The following ARPC5L variants were observed in gnomAD, a reference collection of about 807,000 sequenced individuals.
ARPC5L encodes actin-related protein 2/3 complex subunit 5-like protein.
Under a neutral mutation model 16.9 loss-of-function variants are expected in ARPC5L, and 4 were observed. That is an observed-to-expected ratio of 0.24 (90% CI 0.12 to 0.54). The LOEUF (loss-of-function observed/expected upper bound fraction) is 0.54, where lower values mean the gene tolerates loss of function less well. Ranked by LOEUF, ARPC5L falls within the 20% of genes least tolerant of loss-of-function variation. The pLI is 0.95. For synonymous variants in ARPC5L, 78 were observed against 82.6 expected, an observed-to-expected ratio of 0.94 and a Z score of 0.30; for missense variants, 151 against 201.9, an observed-to-expected ratio of 0.75 and a Z score of 1.53.
chr9:124,873,621 T>G, intron 3 of ARPC5L, 71 bp from the exon 4 acceptor site: 1 of 1,562,384 alleles, frequency 6.4e-7, no homozygotes, highest in South Asian at 1.1e-5. Flanking sequence ...CTGAGCTGTT[T>G]CTGAAGTGAG....
At chr9:124,866,472 AG>A (rs1175349841) in intron 2 of ARPC5L, among the ~76,000 whole-genome samples, 3 of 152,146 alleles carry the variant, frequency 2.0e-5, no homozygotes, top group African/African-American at 7.2e-5. Flanking sequence ...CTGTAATCCC[AG>A]CACTTTGGGA....
intron 3 of ARPC5L, among the ~76,000 whole-genome samples, chr9:124,869,801 A>T (rs1829329887): frequency 6.6e-6 from 1 of 152,110 alleles, no homozygotes; most frequent in Non-Finnish European, 1.5e-5. Flanking sequence ...CCTCCCTTGC[A>T]GGAAATCGGG....
chr9:124,869,687 G>T (rs1829327547), intron 3 of ARPC5L, among the ~76,000 whole-genome samples: 1 of 152,208 alleles, frequency 6.6e-6, no homozygotes, highest in Non-Finnish European at 1.5e-5. Flanking sequence ...CCCTGGACCC[G>T]GTGGACGGGC....
rs1302335701 is a variant in ARPC5L at position 124,869,203 on chromosome 9, C to G, written c.-88C>G. ...CTGGGAGCAGCCGGGCAGCCGCTTC[C>G]CGCCCCCGAGCAGGAGCCGGTGCGA... is the stretch of plus-strand genomic sequence containing the variant. On this transcript the variant is annotated 5_prime_UTR_variant, in exon 3 of 6. Coordinates refer to ENST00000353214, the MANE Select transcript of ARPC5L (RefSeq NM_030978.3). The G allele has an allele frequency of 1.5e-5, 20 of 1,330,012 alleles. No individual in the cohort carries two copies. The highest frequency in any genetic ancestry group is 9.7e-7 in the Non-Finnish European group (1 of 1,032,230). The allele number at this position is 1,330,012 out of a possible 1,614,324, so 82.4% of individuals were successfully genotyped here.
chr9:124,868,751 A>T lies in ARPC5L; in HGVS notation c.-540A>T, dbSNP rs1359972102. The T allele has an allele frequency of 2.6e-5, 4 of 152,366 alleles. No homozygotes were observed. The highest frequency in any genetic ancestry group is 5.9e-5 in the Non-Finnish European group (4 of 68,146). The allele number at this position is 152,366 out of a possible 1,614,324, so 9.4% of individuals were successfully genotyped here. A position where few individuals can be genotyped will look rare whatever the true frequency, so the allele number is the denominator to read the frequency against. ...CCCGCGCCACTCCCCGGGCACAGGA[A>T]CTCCTACTCATCCCTCAGTCATCAG... On this transcript the variant is annotated 5_prime_UTR_variant, in exon 3 of 6. Transcript: ENST00000353214.
In ARPC5L at chr9:124,869,431, C is replaced by T. The variant is rs1261887908; in HGVS notation, c.141C>T (p.Leu47=). 6 of 1,483,174 alleles carry T rather than the reference C, an allele frequency of 4.0e-6. No individual in the cohort carries two copies. In the Admixed American group the frequency reaches 9.4e-5, roughly 23 times the overall value. The allele number at this position is 1,483,174 out of a possible 1,614,324, so 91.9% of individuals were successfully genotyped here. Residue 47 remains leucine, a synonymous_variant, in exon 3 of 6, where the codon CTC becomes CTT. Coordinates refer to ENST00000353214, the MANE Select transcript of ARPC5L (RefSeq NM_030978.3). The stretch of plus-strand genomic sequence containing the variant: ...CGGACCCGAGCGAGGTGGACGGGCT[C>T]CTGCGGCAATATCCTTCCCTGACGC... ...PGPDPSEVDG[L]LRQGDMLRAF...
At chr9:124,876,058 C>T (rs1392351856) in intron 5 of ARPC5L, among the ~76,000 whole-genome samples, 1 of 152,150 alleles carries the variant, frequency 6.6e-6, no homozygotes, top group African/African-American at 2.4e-5. Flanking sequence ...CTGCCAGTCA[C>T]CTCAGCGGGC....
At chr9:124,870,032 G>T (rs1829333648) in intron 3 of ARPC5L, among the ~76,000 whole-genome samples, 2 of 152,214 alleles carry the variant, frequency 1.3e-5, no homozygotes, top group South Asian at 2.1e-4. Flanking sequence ...CCCCCAGTCA[G>T]TCTAACCCTC....
At chr9:124,869,864 AC>A (rs1829330895) in intron 3 of ARPC5L, among the ~76,000 whole-genome samples, 1 of 152,134 alleles carries the variant, frequency 6.6e-6, no homozygotes, top group Non-Finnish European at 1.5e-5. Context: ...CATCTGAGTA[AC>A]CGAGTGATCG....
In ARPC5L at chr9:124,873,833, G is replaced by A. The variant is rs138083088; in HGVS notation, c.222+69G>A. The stretch of plus-strand genomic sequence containing the variant: ...AGGGCTGTGGGTGTCTGCCCAGTGC[G>A]AGTGTGAGCTTTCATCCACATCAGA... On this transcript the variant is annotated intron_variant, in intron 4 of 5. Coordinates refer to ENST00000353214, the MANE Select transcript of ARPC5L (RefSeq NM_030978.3). The A allele has an allele frequency of 5.7e-6, 9 of 1,572,832 alleles. No individual in the cohort carries two copies. The East Asian group carries it at 1.3e-4, about 23-fold the overall frequency.
intron 2 of ARPC5L, among the ~76,000 whole-genome samples, chr9:124,864,742 G>A (rs1829247293): frequency 6.6e-6 from 1 of 152,056 alleles, no homozygotes; most frequent in Non-Finnish European, 1.5e-5. Context: ...GACCTCAAGA[G>A]ATCCGCCTGC....
In ARPC5L at chr9:124,869,448, C is replaced by G. The variant is rs1386833524; in HGVS notation, c.149+9C>G. The G allele has an allele frequency of 6.9e-7, 1 of 1,448,774 alleles. No individual in the cohort carries two copies. Among genetic ancestry groups the G allele is most frequent in the Non-Finnish European group, 9.1e-7 (1 of 1,101,922 alleles). 89.7% of individuals were successfully genotyped at this position (1,448,774 alleles called of 1,614,324 possible). ...GACGGGCTCCTGCGGCAATATCCTT[C>G]CCTGACGCGGCGTCCGGGCCTGCGC... On this transcript the variant is annotated intron_variant, in intron 3 of 5. Coordinates refer to ENST00000353214, the MANE Select transcript of ARPC5L (RefSeq NM_030978.3).
intron 2 of ARPC5L, among the ~76,000 whole-genome samples, chr9:124,867,799 TTTTC>T (rs2131331494): frequency 7.7e-6 from 1 of 129,232 alleles, no homozygotes; most frequent in African/African-American, 2.9e-5. Context: ...GAGACTTTTC[TTTTC>T]TTTTCTTTTT....
intron 5 of ARPC5L, among the ~76,000 whole-genome samples, chr9:124,875,700 C>T (rs1829423770): frequency 6.6e-6 from 1 of 152,204 alleles, no homozygotes; most frequent in Admixed American, 6.5e-5. Context: ...CGTGTGAGAG[C>T]AAGGCCTTTG....
At chr9:124,873,943 T>TCAG (rs1829397848) in intron 4 of ARPC5L, among the ~76,000 whole-genome samples, 179 bp downstream of exon 4, 1 of 152,166 alleles carries the variant, frequency 6.6e-6, no homozygotes, top group East Asian at 1.9e-4. Flanking sequence ...ATCAACGCTG[T>TCAG]CAGCGTTTAT....
intron 3 of ARPC5L, 149 bp downstream of exon 3, chr9:124,869,588 T>C (rs977445516): frequency 7.6e-7 from 1 of 1,318,552 alleles, no homozygotes; most frequent in African/African-American, 1.6e-5. Flanking sequence ...CGACCCGGCT[T>C]CCCTGGGCCG....
intron 2 of ARPC5L, among the ~76,000 whole-genome samples, chr9:124,865,152 G>T (rs1438680035): frequency 6.6e-6 from 1 of 151,904 alleles, no homozygotes; most frequent in Non-Finnish European, 1.5e-5. Flanking sequence ...AGTCTTAAAT[G>T]AAAGTCTAGG....
chr9:124,865,814 A>C (rs1471409493), intron 2 of ARPC5L, among the ~76,000 whole-genome samples: 2 of 151,282 alleles, frequency 1.3e-5, no homozygotes, highest in Admixed American at 1.3e-4. Context: ...AAACAAAAAA[A>C]ACAAAATTGG....
chr9:124,862,309 C>G lies in ARPC5L; in HGVS notation c.-1073C>G, dbSNP rs539294948. 3.7e-5 allele frequency: 7 copies of G among 191,600 alleles called. No individual in the cohort carries two copies. The highest frequency in any genetic ancestry group is 6.4e-5 in the Non-Finnish European group (6 of 93,700). The allele number at this position is 191,600 out of a possible 1,614,324, so 11.9% of individuals were successfully genotyped here. A position where few individuals can be genotyped will look rare whatever the true frequency, so the allele number is the denominator to read the frequency against. The stretch of plus-strand genomic sequence containing the variant: ...CTTGCAGATCTCCCAATCTGGGCAA[C>G]TCTGAGCTGGGCGCCAGTAGTCTGG... On this transcript the variant is annotated 5_prime_UTR_variant, in exon 1 of 6. Coordinates refer to ENST00000353214, the MANE Select transcript of ARPC5L (RefSeq NM_030978.3).
Sources: allele counts gnomAD v4.1 joint callset (sites outside exome capture counted in the v4.1 genomes callset), GRCh38; gene constraint gnomAD v4.1.1; transcripts MANE v1.5; gene names NCBI Gene and HGNC (gene_info 2026-07-23, HGNC 2026-07-21).